The following CGNL1 variants were observed in gnomAD, a reference collection of about 807,000 sequenced individuals.
CGNL1 encodes cingulin like 1.
CGNL1 carries 132 observed loss-of-function variants against 141.2 expected under a neutral mutation model. The ratio of observed to expected loss-of-function variants is 0.93; its 90% CI spans 0.81 to 1.08. The LOEUF is 1.08. Ranked by LOEUF, CGNL1 falls within the 50% of genes least tolerant of loss-of-function variation. The probability of loss-of-function intolerance (pLI) is 0.00; values close to 1 mark genes in which losing one functional copy is unlikely to be tolerated. For synonymous variants in CGNL1, 690 were observed against 622.1 expected, an observed-to-expected ratio of 1.11 and a Z score of -1.63; for missense variants, 1,870 against 1,588.6, an observed-to-expected ratio of 1.18 and a Z score of -3.01.
chr15:57,390,722 T>C (rs370097479), intron 1 of CGNL1, among the ~76,000 whole-genome samples: 4 of 152,178 alleles, frequency 2.6e-5, no homozygotes, highest in Non-Finnish European at 5.9e-5. Context: ...TTCGCTGGCA[T>C]GCGCTGCCTC....
chr15:57,385,649 C>T (rs1364825851), intron 1 of CGNL1, among the ~76,000 whole-genome samples: 1 of 152,186 alleles, frequency 6.6e-6, no homozygotes. Context: ...TTGTTTCCTC[C>T]TCTGTAAAAT....
rs779002022 is a variant in CGNL1, at chr15:57,453,692, G to C, written c.2064G>C (p.Gln688His). The C allele has an allele frequency of 1.2e-6, 2 of 1,613,828 alleles. No homozygotes were observed. The highest frequency in any genetic ancestry group is 1.1e-5 in the South Asian group (1 of 91,004). Reference sequence around the variant, plus strand: ...CTTCCTTCCCTGCCAGGCTATTCCAGGTGAAGATGGAACGGGAGCAGCATC... The same window carrying C: ...CTTCCTTCCCTGCCAGGCTATTCCACGTGAAGATGGAACGGGAGCAGCATC... ...ELRKNLEELF[Q>H]VKMEREQHQT... is the part of the protein sequence containing the mutation. Residue 688 changes from glutamine (Q) to histidine (H), a missense_variant, in exon 7 of 19, where the codon CAG (glutamine) becomes CAC (histidine). Physicochemically the swap from Gln to His is conservative, Grantham distance 24. Transcript: ENST00000281282.
In CGNL1 at chr15:57,424,796, G is replaced by A. The variant is rs1349140702; in HGVS notation, c.-15-13189G>A. On this transcript the variant is annotated intron_variant, in intron 1 of 18. Transcript: ENST00000281282. The stretch of plus-strand genomic sequence containing the variant: ...TGGTAGAAAATTGAGGCATCTCATT[G>A]TACAAGGTAGGTAACATCTGTGCAA... Among the ~76,000 whole-genome samples, 2 of 152,190 alleles carry A rather than the reference G, an allele frequency of 1.3e-5. 1 individual carries two copies. Among genetic ancestry groups the A allele is most frequent in the Admixed American group, 1.3e-4 (2 of 15,282 alleles).
intron 1 of CGNL1, among the ~76,000 whole-genome samples, chr15:57,397,817 C>A (rs2062618970): frequency 6.7e-6 from 1 of 149,726 alleles, no homozygotes. Context: ...GAGTCTCTCT[C>A]TGTCGCCCAT....
intron 8 of CGNL1, among the ~76,000 whole-genome samples, chr15:57,508,817 A>C (rs1292080761): frequency 2.6e-5 from 4 of 152,240 alleles, no homozygotes; most frequent in African/African-American, 9.6e-5. Context: ...TTAGAAATGC[A>C]GAGTCCTGGG....
At chr15:57,445,064 C>A (rs530844299) in intron 4 of CGNL1, among the ~76,000 whole-genome samples, 1 of 152,180 alleles carries the variant, frequency 6.6e-6, no homozygotes, top group African/African-American at 2.4e-5. Flanking sequence ...GAGTTTGAGA[C>A]CAGCCTGGGC....
chr15:57,401,971 G>A (rs1282119189), intron 1 of CGNL1: 1 of 152,014 alleles, frequency 6.6e-6, no homozygotes, highest in Non-Finnish European at 1.5e-5. Context: ...CTTTTTCTCT[G>A]TCCTTCTACA....
At chr15:57,521,217 C>T (rs114040651) in intron 10 of CGNL1, among the ~76,000 whole-genome samples, 2,172 of 152,150 alleles carry the variant, frequency 0.014, 53 homozygotes, top group African/African-American at 0.049. Flanking sequence ...CAGCAGTGAC[C>T]TATTGGAACA....
intron 8 of CGNL1, among the ~76,000 whole-genome samples, chr15:57,500,168 C>A (rs901971480): frequency 1.3e-5 from 2 of 152,058 alleles, no homozygotes; most frequent in African/African-American, 2.4e-5. Flanking sequence ...TCCTTCATAC[C>A]CTTTTCCTTT....
At chr15:57,511,621 C>T (rs1378876053) in intron 8 of CGNL1, among the ~76,000 whole-genome samples, 1 of 152,216 alleles carries the variant, frequency 6.6e-6, no homozygotes, top group East Asian at 1.9e-4. Context: ...ATTACACATA[C>T]TGTGTTATCA....
chr15:57,455,805 G>A (rs564582826), intron 7 of CGNL1, among the ~76,000 whole-genome samples: 1 of 152,154 alleles, frequency 6.6e-6, no homozygotes, highest in East Asian at 1.9e-4. Context: ...ACTGATGATG[G>A]GATAACGATA....
At chr15:57,451,236 T>C (rs2063318209) in intron 4 of CGNL1, among the ~76,000 whole-genome samples, 1 of 152,236 alleles carries the variant, frequency 6.6e-6, no homozygotes, top group African/African-American at 2.4e-5. Context: ...ATTGGACTAG[T>C]GTTGATATAC....
intron 1 of CGNL1, among the ~76,000 whole-genome samples, chr15:57,416,139 C>T (rs17239672): frequency 0.2 from 30,989 of 151,714 alleles, 3,451 homozygotes; most frequent in Middle Eastern, 0.28. Context: ...ATTGCTGATC[C>T]CTTTTAGTCC....
chr15:57,475,667 G>C (rs1049028800), intron 8 of CGNL1, among the ~76,000 whole-genome samples: 1 of 152,064 alleles, frequency 6.6e-6, no homozygotes, highest in Admixed American at 6.5e-5. Context: ...TTCTTGCAGT[G>C]GGGAAAATAA....
Position 57,417,877 on chromosome 15 carries a change from G to A in CGNL1, c.-15-20108G>A, listed in dbSNP as rs2062867141. ...AAAGGGTCTAGGGAGGTGTTTCCTG[G>A]GTATTTGATGGATCTCTGGATTGGT... is the stretch of plus-strand genomic sequence containing the variant. On this transcript the variant is annotated intron_variant, in intron 1 of 18. Coordinates refer to ENST00000281282, the MANE Select transcript of CGNL1 (RefSeq NM_032866.5). 1.3e-5 allele frequency among the ~76,000 whole-genome samples: 2 copies of A among 152,146 alleles called. 1 individual carries two copies. The highest frequency in any genetic ancestry group is 4.1e-4 in the South Asian group (2 of 4,828).
At chr15:57,385,166 C>CA (rs1363096985) in intron 1 of CGNL1, among the ~76,000 whole-genome samples, 2 of 152,178 alleles carry the variant, frequency 1.3e-5, no homozygotes, top group Non-Finnish European at 2.9e-5. Context: ...AGTTGAGGAC[C>CA]AAATACCTGG....
intron 12 of CGNL1, among the ~76,000 whole-genome samples, chr15:57,527,986 C>T (rs181434924): frequency 2.4e-4 from 37 of 152,316 alleles, no homozygotes; most frequent in Middle Eastern, 3.4e-3. Flanking sequence ...CAGCTGAGCA[C>T]GGTGGCTCAT....
chr15:57,394,691 C>T (rs1304469205), intron 1 of CGNL1, among the ~76,000 whole-genome samples: 6 of 152,236 alleles, frequency 3.9e-5, no homozygotes, highest in Non-Finnish European at 8.8e-5. Flanking sequence ...CTAACCATTT[C>T]TGACCCTGCT....
Position 57,509,639 on chromosome 15 carries a change from G to T in CGNL1, c.2404-7141G>T, listed in dbSNP as rs557992392. ...CCAGTGTGAACACTTCTAAATGTGG[G>T]TGTTAACCCATGAACATGTGGAAAA... is the stretch of plus-strand genomic sequence containing the variant. On this transcript the variant is annotated intron_variant, in intron 8 of 18. Transcript: ENST00000281282. 1.4e-3 allele frequency among the ~76,000 whole-genome samples: 219 copies of T among 152,306 alleles called. 2 individuals are homozygous for T. The highest frequency in any genetic ancestry group is 3.4e-3 in the Middle Eastern group (1 of 294).
Sources: gnomAD v4.1 joint callset for allele counts (sites outside exome capture counted in the v4.1 genomes callset) on GRCh38, gnomAD v4.1.1 for gene constraint, MANE v1.5 for transcripts, NCBI Gene and HGNC (gene_info 2026-07-23, HGNC 2026-07-21) for gene names.